The following TM6SF1 variants were observed in gnomAD, a reference collection of about 807,000 sequenced individuals.
The protein encoded by TM6SF1 is transmembrane 6 superfamily member 1.
In TM6SF1, 43 loss-of-function variants were observed where a neutral mutation model predicts 47.1. The observed-to-expected ratio is 0.91, with a 90% CI of 0.72 to 1.18. TM6SF1 has a LOEUF of 1.18. Ranked by LOEUF, TM6SF1 falls within the 50% of genes most tolerant of loss-of-function variation. The probability of loss-of-function intolerance (pLI) is 0.00; values close to 1 mark genes in which losing one functional copy is unlikely to be tolerated. For missense variants in TM6SF1, 390 were observed against 449.0 expected (o/e 0.87, Z 1.19); for synonymous variants, 177 against 166.3 (o/e 1.06, Z -0.49).
At chr15:83,125,483 C>T (rs1429441695) in intron 7 of TM6SF1, among the ~76,000 whole-genome samples, 1 of 152,180 alleles carries the variant, frequency 6.6e-6, no homozygotes. Context: ...AATAACACTA[C>T]CTACCTTAAC....
intron 9 of TM6SF1, chr15:83,135,817 C>T (rs1193916794): frequency 6.6e-6 from 1 of 152,092 alleles, no homozygotes; most frequent in Non-Finnish European, 1.5e-5. Flanking sequence ...AAAGAGCAAC[C>T]GTACTCCTAC....
Position 83,107,799 on chromosome 15 carries a change from G to A in TM6SF1, c.92+27G>A. On this transcript the variant is annotated intron_variant, in intron 1 of 9. Coordinates refer to ENST00000322019, the MANE Select transcript of TM6SF1 (RefSeq NM_023003.5). This position sits in a 1 kb window ranked among gnomAD's most constrained non-coding sequence, Gnocchi z 5.6. ...TGAGTGAGCCGGCGCGGCGGGGGTC[G>A]CGCCGAGGGGCGGCGGGAGTTGGCT... 2 of 1,559,616 alleles carry A rather than the reference G, an allele frequency of 1.3e-6. No individual in the cohort carries two copies. Among genetic ancestry groups the A allele is most frequent in the Non-Finnish European group, 1.7e-6 (2 of 1,154,550 alleles).
chr15:83,113,246 CT>C, intron 2 of TM6SF1: 1 of 374,232 alleles, frequency 2.7e-6, no homozygotes, highest in South Asian at 2.7e-5. Flanking sequence ...GTCCCCCCCA[CT>C]TAGTGCAGAA....
At chr15:83,108,396 C>A (rs928704048) in intron 1 of TM6SF1, among the ~76,000 whole-genome samples, 1 of 152,060 alleles carries the variant, frequency 6.6e-6, no homozygotes, top group Non-Finnish European at 1.5e-5. Flanking sequence ...AAGGTTCCAC[C>A]GAGACCTCTT....
intron 1 of TM6SF1, among the ~76,000 whole-genome samples, chr15:83,110,808 A>G (rs1436814212): frequency 2.0e-5 from 3 of 152,072 alleles, no homozygotes. Flanking sequence ...GAAACCTCCT[A>G]TTTTTCAGTT....
intron 2 of TM6SF1, 50 bp downstream of exon 2, chr15:83,112,950 C>T: frequency 1.4e-6 from 2 of 1,414,608 alleles, no homozygotes; most frequent in East Asian, 2.3e-5. Flanking sequence ...TAACACAATA[C>T]TTTCAGCCTC....
intron 1 of TM6SF1, among the ~76,000 whole-genome samples, chr15:83,108,126 T>C (rs914700788): frequency 6.6e-6 from 1 of 152,192 alleles, no homozygotes; most frequent in African/African-American, 2.4e-5. Flanking sequence ...AACCTGGCCG[T>C]GTCAGCTCGT....
chr15:83,121,237 A>AT lies in TM6SF1; in HGVS notation c.399-668dup, dbSNP rs1229395202. Reference sequence around the variant, plus strand: ...AGGTGCATGCCACCATGCCCAGCTAATTTTTTTTTTTTTTTTGTACTTTTA... The same window carrying AT: ...AGGTGCATGCCACCATGCCCAGCTAATTTTTTTTTTTTTTTTTGTACTTTTA... On this transcript the variant is annotated intron_variant, in intron 4 of 9. Transcript: ENST00000322019. Among the ~76,000 whole-genome samples the AT allele has an allele frequency of 9.9e-3, 1,377 of 139,452 alleles. 8 individuals are homozygous for AT. Among genetic ancestry groups the AT allele is most frequent in the Admixed American group, 0.013 (179 of 13,888 alleles). 91.5% of individuals were successfully genotyped at this position (139,452 alleles called of 152,430 possible).
At chr15:83,109,840 C>G (rs2033986972) in intron 1 of TM6SF1, among the ~76,000 whole-genome samples, 1 of 152,208 alleles carries the variant, frequency 6.6e-6, no homozygotes, top group Non-Finnish European at 1.5e-5. Context: ...TGCTCCCTGA[C>G]AGGGATGCTG....
chr15:83,122,945 A>G, intron 6 of TM6SF1, 67 bp downstream of exon 6: 1 of 1,573,128 alleles, frequency 6.4e-7, no homozygotes, highest in Non-Finnish European at 8.7e-7. Flanking sequence ...TCCACTGGCC[A>G]CTGAATTGAA....
intron 1 of TM6SF1, 50 bp from the exon 2 acceptor site, chr15:83,112,747 C>T (rs1567132592): frequency 6.8e-6 from 9 of 1,320,426 alleles, no homozygotes; most frequent in Non-Finnish European, 9.9e-6. Flanking sequence ...ATTCCAGGCA[C>T]CAATGTGTTT....
chr15:83,125,910 G>A (rs906868012), intron 7 of TM6SF1, among the ~76,000 whole-genome samples: 3 of 152,246 alleles, frequency 2.0e-5, no homozygotes, highest in African/African-American at 4.8e-5. Context: ...GCATGGGGAA[G>A]AGAAGTAAAG....
At chr15:83,126,710 C>G in intron 7 of TM6SF1, 45 bp from the exon 8 acceptor site, 1 of 1,507,712 alleles carries the variant, frequency 6.6e-7, no homozygotes, top group Non-Finnish European at 9.2e-7. Context: ...AACCTAAGAA[C>G]CAGATGTGAT....
intron 9 of TM6SF1, chr15:83,135,702 G>C (rs2036560952): frequency 6.6e-6 from 1 of 152,210 alleles, no homozygotes; most frequent in Non-Finnish European, 1.5e-5. Context: ...TATAAGTAGA[G>C]AGGGAGGCCA....
At chr15:83,123,105 G>A (rs1317536527) in intron 6 of TM6SF1, among the ~76,000 whole-genome samples, 1 of 152,172 alleles carries the variant, frequency 6.6e-6, no homozygotes, top group African/African-American at 2.4e-5. Context: ...CATACTTTGG[G>A]GAGCTTCCTG....
At chr15:83,115,311 T>G in intron 2 of TM6SF1, 1 of 223,052 alleles carries the variant, frequency 4.5e-6, no homozygotes, top group Admixed American at 5.2e-5. Flanking sequence ...AGAGACGGGG[T>G]TTCAATATGT....
At chr15:83,124,475 A>C (rs538920520) in intron 6 of TM6SF1, among the ~76,000 whole-genome samples, 197 bp from the exon 7 acceptor site, 2 of 152,328 alleles carry the variant, frequency 1.3e-5, no homozygotes, top group South Asian at 4.1e-4. Context: ...TTTAGCCCAA[A>C]TTCTTCATTT....
rs1371559185 is a variant in TM6SF1 at position 83,107,753 on chromosome 15, C to T, written c.73C>T (p.His25Tyr). The change falls in exon 1 of 10, where the codon CAC becomes TAC. Residue 25 changes from histidine to tyrosine, a missense_variant. His to Tyr is a moderately conservative substitution (Grantham distance 83). Coordinates refer to ENST00000322019, the MANE Select transcript of TM6SF1 (RefSeq NM_023003.5). This position sits in a 1 kb window ranked among gnomAD's most constrained non-coding sequence, Gnocchi z 5.6. ...SAIPVTYVFN[H>Y]LAAQHDSWTI... ...CATCCCGGTCACCTATGTCTTCAAC[C>T]ACCTGGCGGCCCAGCATGAGTGAGT... 6.3e-7 allele frequency: 1 copy of T among 1,583,438 alleles called. No homozygotes were observed. The highest frequency in any genetic ancestry group is 1.8e-5 in the Admixed American group (1 of 56,564).
chr15:83,135,944 T>C (rs1044241757), intron 9 of TM6SF1: 2 of 152,226 alleles, frequency 1.3e-5, no homozygotes, highest in African/African-American at 4.8e-5. Flanking sequence ...GGAAAGGGTA[T>C]GAGCTCTTGC....
Sources: gnomAD v4.1 joint callset for allele counts (sites outside exome capture counted in the v4.1 genomes callset) on GRCh38, gnomAD v4.1.1 for gene constraint, Gnocchi (gnomAD v3.1) non-coding constraint, MANE v1.5 for transcripts, NCBI Gene and HGNC (gene_info 2026-07-23, HGNC 2026-07-21) for gene names.